The following CTCFL variants were observed in gnomAD, a reference collection of about 807,000 sequenced individuals.
CTCFL encodes transcriptional repressor CTCFL.
Under a neutral mutation model 67.4 loss-of-function variants are expected in CTCFL, and 36 were observed. The ratio of observed to expected loss-of-function variants is 0.53; its 90% CI spans 0.41 to 0.71. CTCFL has a LOEUF of 0.71. CTCFL is among the 30% of genes least tolerant of loss of function. The pLI is 0.00. For missense variants in CTCFL, 786 were observed against 835.2 expected (o/e 0.94, Z 0.73); for synonymous variants, 324 against 302.3 (o/e 1.07, Z -0.75).
At chr20:57,500,284 T>C in intron 10 of CTCFL, 1 of 811,304 alleles carries the variant, frequency 1.2e-6, no homozygotes, top group Non-Finnish European at 1.7e-6. Context: ...AAACCCCATC[T>C]CTACTAAAAA....
intron 9 of CTCFL, among the ~76,000 whole-genome samples, chr20:57,504,254 G>A (rs1009316972): frequency 2.0e-5 from 3 of 147,616 alleles, no homozygotes; most frequent in Non-Finnish European, 4.5e-5. Flanking sequence ...GGGATTACAG[G>A]CATGAGCCAC....
intron 1 of CTCFL, chr20:57,524,523 G>C (rs1409067911): frequency 8.7e-7 from 1 of 1,151,804 alleles, no homozygotes; most frequent in Non-Finnish European, 1.1e-6. Context: ...AGCACACTCT[G>C]GCCCAGTGCA....
chr20:57,522,237 G>A (rs1354347633), intron 3 of CTCFL, among the ~76,000 whole-genome samples: 1 of 152,180 alleles, frequency 6.6e-6, no homozygotes, highest in Non-Finnish European at 1.5e-5. Flanking sequence ...TTTCTAAACT[G>A]AGTCACCTTC....
Position 57,497,415 on chromosome 20 carries a change from A to T in CTCFL, c.*1135T>A. 2 of 985,266 alleles carry T rather than the reference A, an allele frequency of 2.0e-6. No individual in the cohort carries two copies. The highest frequency in any genetic ancestry group is 9.4e-5 in the South Asian group (2 of 21,288). 61.0% of individuals were successfully genotyped at this position (985,266 alleles called of 1,614,324 possible). On this transcript the variant is annotated 3_prime_UTR_variant, in exon 11 of 11. Transcript: ENST00000243914. The stretch of plus-strand genomic sequence containing the variant: ...ATTCTGAACTTGTGATATTTTCAAT[A>T]AAAGGTCCATATCTTAAGAATTTGA...
rs544086970 is a variant in CTCFL at position 57,507,638 on chromosome 20, G to A, written c.1674+968C>T. 10 of 703,038 alleles carry A rather than the reference G, an allele frequency of 1.4e-5. No homozygotes were observed. In the Admixed American group the frequency reaches 1.6e-4, roughly 11 times the overall value. The allele number at this position is 703,038 out of a possible 1,614,324, so 43.5% of individuals were successfully genotyped here. The stretch of plus-strand genomic sequence containing the variant: ...CAAGGAACTGAGGCCGGTGCCAGCA[G>A]TTGTGTGGCGGAGCTGTCCTGGAAG... On this transcript the variant is annotated intron_variant, in intron 9 of 10. Coordinates refer to ENST00000243914, the MANE Select transcript of CTCFL (RefSeq NM_001386993.1).
At chr20:57,517,467 A>G (rs1327325546) in intron 5 of CTCFL, among the ~76,000 whole-genome samples, 1 of 152,052 alleles carries the variant, frequency 6.6e-6, no homozygotes, top group Non-Finnish European at 1.5e-5. Context: ...TAGTAGAGAC[A>G]GGGTTTCACC....
At position 57,519,396 on chromosome 20, in the gene CTCFL, TTATG is replaced by T. The variant is rs1458068924; in HGVS notation, c.755-23_755-20del. ...TTTGCTCCTATAGGCAGGAAATAGT[TTATG>T]TATTTGTTAGAGGTTCAAATTCCAT... On this transcript the variant is annotated intron_variant, in intron 3 of 10. Coordinates refer to ENST00000243914, the MANE Select transcript of CTCFL (RefSeq NM_001386993.1). 8 of 1,606,530 alleles carry T rather than the reference TTATG, an allele frequency of 5.0e-6. No individual in the cohort carries two copies. The African/African-American group carries it at 8.0e-5, about 16-fold the overall frequency.
intron 10 of CTCFL, chr20:57,499,792 CAT>C: frequency 1.6e-5 from 3 of 183,042 alleles, no homozygotes; most frequent in Non-Finnish European, 3.1e-5. Flanking sequence ...GGTTCACACT[CAT>C]GAGAATCTAA....
At chr20:57,496,500 A>G (rs2067725879), downstream of CTCFL, 1 of 433,732 alleles carries the variant, frequency 2.3e-6, no homozygotes, top group South Asian at 5.8e-5. Flanking sequence ...CAGTGGAATG[A>G]TTAGGTAGAT....
chr20:57,504,321 C>T (rs918006028), intron 9 of CTCFL, among the ~76,000 whole-genome samples: 3 of 150,298 alleles, frequency 2.0e-5, no homozygotes, highest in Admixed American at 6.6e-5. Context: ...GCTCTGTCAC[C>T]CAGGCTGGAG....
At chr20:57,500,349 G>A in intron 10 of CTCFL, 1 of 347,894 alleles carries the variant, frequency 2.9e-6, no homozygotes. Flanking sequence ...CAGCTCCGGA[G>A]ACTGAGGCAT....
intron 10 of CTCFL, among the ~76,000 whole-genome samples, chr20:57,501,422 G>A (rs1029819901): frequency 6.6e-6 from 1 of 151,768 alleles, no homozygotes; most frequent in Middle Eastern, 3.2e-3. Flanking sequence ...CTGCTCATCT[G>A]GGGGGTGGGT....
intron 8 of CTCFL, among the ~76,000 whole-genome samples, chr20:57,512,281 A>G (rs1220725483): frequency 6.6e-6 from 1 of 152,220 alleles, no homozygotes; most frequent in African/African-American, 2.4e-5. Context: ...GCTAAGGACC[A>G]CCACTACTTT....
At chr20:57,505,185 A>C (rs1475083605) in intron 9 of CTCFL, among the ~76,000 whole-genome samples, 1 of 151,916 alleles carries the variant, frequency 6.6e-6, no homozygotes, top group Non-Finnish European at 1.5e-5. Flanking sequence ...GCTTAGCTCT[A>C]GCCAAAAGCT....
intron 7 of CTCFL, chr20:57,513,485 T>C (rs2068696600): frequency 1.0e-6 from 1 of 997,000 alleles, no homozygotes; most frequent in African/African-American, 1.7e-5. Flanking sequence ...GAAGAATTAA[T>C]GTGTTTATAA....
chr20:57,508,323 G>C (rs6025598), intron 9 of CTCFL, among the ~76,000 whole-genome samples: 142,845 of 152,120 alleles, frequency 0.94, 67,135 homozygotes, highest in Middle Eastern at 0.96. Flanking sequence ...ACACTAAAAG[G>C]TGGGGTTCTT....
chr20:57,500,933 C>T (rs148169915), intron 10 of CTCFL, among the ~76,000 whole-genome samples: 128 of 152,292 alleles, frequency 8.4e-4, no homozygotes, highest in African/African-American at 3.0e-3. Flanking sequence ...CCTTTAGGTG[C>T]GGAATCAGCG....
At position 57,523,728 on chromosome 20, in the gene CTCFL, C is replaced by T; in HGVS notation, c.478G>A (p.Val160Met). Reference sequence around the variant, plus strand: ...TTACTGTCTTCACTGGCCACCATCACATTCTCCTCTAGAGCGTGGAACTGC... The same window carrying T: ...TTACTGTCTTCACTGGCCACCATCATATTCTCCTCTAGAGCGTGGAACTGC... The part of the protein sequence containing the change: ...VLQFHALEEN[V>M]MVASEDSKLA... The change falls in exon 2 of 11, where the codon GTG becomes ATG. Residue 160 changes from valine (V) to methionine (M), a missense_variant. Physicochemically the swap from Val to Met is conservative, Grantham distance 21. Around this residue, in one of 3 missense-constraint regions of CTCFL, gnomAD observed 333 missense variants for 304.6 expected, o/e 1.09. Coordinates refer to ENST00000243914, the MANE Select transcript of CTCFL (RefSeq NM_001386993.1). The T allele has an allele frequency of 1.9e-6, 3 of 1,613,418 alleles. No homozygotes were observed. The highest frequency in any genetic ancestry group is 1.7e-6 in the Non-Finnish European group (2 of 1,180,026).
intron 3 of CTCFL, among the ~76,000 whole-genome samples, chr20:57,522,808 C>G (rs1291808714): frequency 6.6e-6 from 1 of 152,184 alleles, no homozygotes; most frequent in Non-Finnish European, 1.5e-5. Flanking sequence ...CAGCAGAGAC[C>G]AGGGCTTGGT....
Sources: allele counts gnomAD v4.1 joint callset (sites outside exome capture counted in the v4.1 genomes callset), GRCh38; gene constraint gnomAD v4.1.1; regional missense constraint gnomAD v4.1.1; transcripts MANE v1.5; gene names NCBI Gene and HGNC (gene_info 2026-07-23, HGNC 2026-07-21).